Variants in C2CD2 observed in about 807,000 individuals in gnomAD.
C2CD2 encodes the protein C2 domain-containing protein 2.
A neutral mutation model predicts 74.3 loss-of-function variants in C2CD2; 43 were observed. That is an observed-to-expected ratio of 0.58 (90% CI 0.45 to 0.75). C2CD2 has a LOEUF of 0.75. Ranked by LOEUF, C2CD2 falls within the 30% of genes least tolerant of loss-of-function variation. The pLI is 0.00. For synonymous variants in C2CD2, 422 were observed against 390.7 expected, an observed-to-expected ratio of 1.08 and a Z score of -0.94; for missense variants, 801 against 916.3, an observed-to-expected ratio of 0.87 and a Z score of 1.63.
rs191965107 is a variant in C2CD2 at position 41,926,824 on chromosome 21, C to G, written c.379-4739G>C. On this transcript the variant is annotated intron_variant, in intron 2 of 13. Transcript: ENST00000380486. The surrounding 1 kb of genome is among the most constrained non-coding windows in gnomAD (Gnocchi z 8.0). ...TTTGTCTCCAAAGAAACTAGCAATG[C>G]AGCTGAGGAAATGTATACAAAAGGT... The G allele has an allele frequency of 1.1e-3, 173 of 154,370 alleles. 1 individual carries two copies. Among genetic ancestry groups the G allele is most frequent in the Non-Finnish European group, 2.1e-3 (148 of 69,950 alleles). The allele number at this position is 154,370 out of a possible 1,614,324, so 9.6% of individuals were successfully genotyped here. A position where few individuals can be genotyped will look rare whatever the true frequency, so the allele number is the denominator to read the frequency against.
At chr21:41,898,005 G>A (rs1375560948) in intron 13 of C2CD2, among the ~76,000 whole-genome samples, 2 of 152,216 alleles carry the variant, frequency 1.3e-5, no homozygotes, top group African/African-American at 4.8e-5. Context: ...TTCCCTGGAG[G>A]GAAAAAGTGC....
chr21:41,889,746 C>T (rs2064728121), intron 13 of C2CD2, among the ~76,000 whole-genome samples: 1 of 152,056 alleles, frequency 6.6e-6, no homozygotes, highest in African/African-American at 2.4e-5. Context: ...GATTCTCCTG[C>T]CTCAGCCTCC....
At chr21:41,915,269 G>A (rs1402344194) in intron 5 of C2CD2, among the ~76,000 whole-genome samples, 2 of 152,058 alleles carry the variant, frequency 1.3e-5, no homozygotes, top group Non-Finnish European at 2.9e-5. Flanking sequence ...CAGAGGCAGG[G>A]GCAGCTGGGA....
At chr21:41,896,707 CAAAA>C (rs71332341) in intron 13 of C2CD2, among the ~76,000 whole-genome samples, 15 of 73,676 alleles carry the variant, frequency 2.0e-4, no homozygotes, top group East Asian at 8.9e-4. Flanking sequence ...GTTCTTAAAC[CAAAA>C]AAAAAAAAAA....
In C2CD2 at chr21:41,945,063, G is replaced by A. The variant is rs1472607057; in HGVS notation, c.280-2818C>T. On this transcript the variant is annotated intron_variant, in intron 1 of 13. Coordinates refer to ENST00000380486, the MANE Select transcript of C2CD2 (RefSeq NM_015500.2). The surrounding 1 kb of genome is among the most constrained non-coding windows in gnomAD (Gnocchi z 4.2). ...CCAGTAAATGTGTTTCATAGGTTGG[G>A]AACTCAGAAACTACTTCATGCATAT... 6.6e-6 allele frequency among the ~76,000 whole-genome samples: 1 copy of A among 152,178 alleles called. No individual in the cohort carries two copies. Among genetic ancestry groups the A allele is most frequent in the Non-Finnish European group, 1.5e-5 (1 of 68,038 alleles).
intron 2 of C2CD2, among the ~76,000 whole-genome samples, chr21:41,941,282 G>A (rs1601601848): frequency 6.6e-6 from 1 of 152,108 alleles, no homozygotes; most frequent in South Asian, 2.1e-4. Flanking sequence ...GATCATTTGG[G>A]CCCAGAAGTT....
At chr21:41,896,983 G>A (rs1162772079) in intron 13 of C2CD2, among the ~76,000 whole-genome samples, 1 of 152,248 alleles carries the variant, frequency 6.6e-6, no homozygotes, top group South Asian at 2.1e-4. Context: ...GCACGGCTGA[G>A]CCTCTCTGCT....
At chr21:41,919,200 G>C (rs1481526443) in intron 3 of C2CD2, among the ~76,000 whole-genome samples, 2 of 152,230 alleles carry the variant, frequency 1.3e-5, no homozygotes, top group Non-Finnish European at 2.9e-5. Flanking sequence ...GTGTGCATGT[G>C]CATGTGTATT....
At chr21:41,941,859 A>T (rs1028146345) in intron 2 of C2CD2, among the ~76,000 whole-genome samples, 1 of 152,174 alleles carries the variant, frequency 6.6e-6, no homozygotes, top group East Asian at 1.9e-4. Context: ...GAACCACACA[A>T]TATGAGGTTT....
At chr21:41,951,111 A>G (rs1184950494) in intron 1 of C2CD2, among the ~76,000 whole-genome samples, 1 of 152,158 alleles carries the variant, frequency 6.6e-6, no homozygotes, top group Non-Finnish European at 1.5e-5. Flanking sequence ...CACTGTCACA[A>G]CAGCGATGGC....
chr21:41,950,775 A>G (rs2065443698), intron 1 of C2CD2, among the ~76,000 whole-genome samples: 1 of 152,200 alleles, frequency 6.6e-6, no homozygotes, highest in African/African-American at 2.4e-5. Flanking sequence ...ATCTTAAAAT[A>G]CAAAGGTGGG....
intron 1 of C2CD2, chr21:41,942,881 T>G (rs761741949): frequency 1.3e-6 from 1 of 743,118 alleles, no homozygotes; most frequent in East Asian, 1.3e-4. Context: ...CCTCAACCCC[T>G]ACTTCACAGC....
intron 13 of C2CD2, 135 bp from the exon 14 acceptor site, chr21:41,889,479 C>T: frequency 1.6e-6 from 1 of 640,804 alleles, no homozygotes; most frequent in East Asian, 2.7e-5. Context: ...AATATGCTGT[C>T]ACTACCTGCA....
At chr21:41,919,039 T>G (rs1222505445) in intron 3 of C2CD2, 79 bp from the exon 4 acceptor site, 1 of 980,686 alleles carries the variant, frequency 1.0e-6, no homozygotes, top group African/African-American at 1.6e-5. Context: ...TGTGACTGTG[T>G]GAGCATGTGT....
At chr21:41,946,592 A>G (rs1164029589) in intron 1 of C2CD2, among the ~76,000 whole-genome samples, 1 of 152,234 alleles carries the variant, frequency 6.6e-6, no homozygotes, top group Non-Finnish European at 1.5e-5. Flanking sequence ...CCTGGACAGC[A>G]GAACCATCAG....
At chr21:41,942,624 C>T (rs942826201) in intron 1 of C2CD2, among the ~76,000 whole-genome samples, 8 of 152,194 alleles carry the variant, frequency 5.3e-5, no homozygotes, top group Non-Finnish European at 1.0e-4. Flanking sequence ...GTGGGTCTAG[C>T]GGCGCACCTC....
chr21:41,905,049 G>A (rs1341672667), intron 11 of C2CD2, among the ~76,000 whole-genome samples: 1 of 152,148 alleles, frequency 6.6e-6, no homozygotes, highest in Non-Finnish European at 1.5e-5. Flanking sequence ...AGCAGAAAGT[G>A]GTGAATAAAA....
chr21:41,934,855 C>CGT (rs112406623), intron 2 of C2CD2, among the ~76,000 whole-genome samples: 2,589 of 135,556 alleles, frequency 0.019, 30 homozygotes, highest in Middle Eastern at 0.048. Context: ...AGCCTTGCCT[C>CGT]GTTTTTTTTT....
chr21:41,889,433 T>C, intron 13 of C2CD2, 89 bp from the exon 14 acceptor site: 1 of 853,636 alleles, frequency 1.2e-6, no homozygotes, highest in Non-Finnish European at 1.9e-6. Context: ...AAAAGGAGGC[T>C]CGAATGCCTC....
Sources: allele counts gnomAD v4.1 joint callset (sites outside exome capture counted in the v4.1 genomes callset), GRCh38; gene constraint gnomAD v4.1.1; non-coding constraint Gnocchi (gnomAD v3.1); transcripts MANE v1.5; gene names NCBI Gene and HGNC (gene_info 2026-07-23, HGNC 2026-07-21).